DAAM2: variants seen among roughly 807,000 people sequenced by gnomAD.
The protein encoded by DAAM2 is disheveled-associated activator of morphogenesis 2.
In DAAM2, 39 loss-of-function variants were observed where a neutral mutation model predicts 120.7. The observed-to-expected ratio is 0.32, with a 90% CI of 0.25 to 0.42. The LOEUF (loss-of-function observed/expected upper bound fraction) is 0.42, where lower values mean the gene tolerates loss of function less well. Ranked by LOEUF, DAAM2 falls within the 10% of genes least tolerant of loss-of-function variation. DAAM2 has a pLI of 1.00. For missense variants in DAAM2, 1,283 were observed against 1,401.7 expected (o/e 0.92, Z 1.35); for synonymous variants, 488 against 524.9 (o/e 0.93, Z 0.96).
chr6:39,815,370 C>A (rs1762276176), intron 1 of DAAM2, among the ~76,000 whole-genome samples: 2 of 152,170 alleles, frequency 1.3e-5, no homozygotes, highest in Non-Finnish European at 2.9e-5. Flanking sequence ...GCTGAGATTT[C>A]AATTCTGTCT....
chr6:39,888,848 C>T (rs1765528171), intron 17 of DAAM2, 85 bp downstream of exon 17: 1 of 1,001,078 alleles, frequency 1.0e-6, no homozygotes, highest in South Asian at 1.6e-5. Flanking sequence ...GGCTGCGATT[C>T]TTGGGTCAAG....
intron 1 of DAAM2, among the ~76,000 whole-genome samples, chr6:39,817,403 G>A (rs1180877340): frequency 2.6e-5 from 4 of 152,124 alleles, no homozygotes; most frequent in Non-Finnish European, 4.4e-5. Context: ...GTTATCTGTC[G>A]GTAGTGGATC....
rs754072898 is a variant in DAAM2, at chr6:39,901,922, G to T, written c.3092G>T (p.Arg1031Leu). The T allele has an allele frequency of 6.2e-7, 1 of 1,611,140 alleles. No homozygotes were observed. Among genetic ancestry groups the T allele is most frequent in the South Asian group, 1.1e-5 (1 of 90,912 alleles). Residue 1031 changes from arginine to leucine, a missense_variant, in exon 25 of 25, where the codon CGC becomes CTC. By Grantham distance (102) the Arg-to-Leu change is moderately radical. Coordinates refer to ENST00000274867, the MANE Select transcript of DAAM2 (RefSeq NM_001201427.2). The surrounding 1 kb of genome is among the most constrained non-coding windows in gnomAD (Gnocchi z 4.5). ...GEFDDLVSAL[R>L]SGEVFDKDLC... ...TTCGATGACCTGGTGTCGGCCCTGC[G>T]CTCTGGGGAGGTCTTCGACAAGGAC...
At position 39,878,985 on chromosome 6, in the gene DAAM2, GGTGT is replaced by G. The variant is rs966925101; in HGVS notation, c.1546-184_1546-181del. Among the ~76,000 whole-genome samples the G allele has an allele frequency of 2.0e-5, 3 of 152,016 alleles. No homozygotes were observed. Among genetic ancestry groups the G allele is most frequent in the African/African-American group, 7.3e-5 (3 of 41,364 alleles). ...GTGACGTGTGTGTGTCTGTGGTGGT[GGTGT>G]GTGTGTGTTTGCGTGTGTTAGATGT... On this transcript the variant is annotated intron_variant, in intron 13 of 24. Coordinates refer to ENST00000274867, the MANE Select transcript of DAAM2 (RefSeq NM_001201427.2). This position sits in a 1 kb window ranked among gnomAD's most constrained non-coding sequence, Gnocchi z 5.0.
chr6:39,857,906 A>G (rs1764069821), intron 2 of DAAM2, among the ~76,000 whole-genome samples: 1 of 151,976 alleles, frequency 6.6e-6, no homozygotes, highest in African/African-American at 2.4e-5. Context: ...GGGAAGACTG[A>G]TTTTGAGGAG....
intron 1 of DAAM2, chr6:39,819,383 C>T (rs1762412382): frequency 1.3e-5 from 2 of 152,210 alleles, no homozygotes; most frequent in Admixed American, 6.5e-5. Context: ...TGCTACTTAC[C>T]TCCTCCAGTA....
rs1379100527 is a variant in DAAM2, at chr6:39,903,305, C to G, written c.*1268C>G. ...AGGAAGGCTGATATCCTCTGGGGAG[C>G]ACATCACCTGAAGGTGCCAAGGAGG... is the stretch of plus-strand genomic sequence containing the variant. On this transcript the variant is annotated 3_prime_UTR_variant, in exon 25 of 25. Coordinates refer to ENST00000274867, the MANE Select transcript of DAAM2 (RefSeq NM_001201427.2). The G allele has an allele frequency of 6.6e-6, 1 of 152,280 alleles. No homozygotes were observed. The highest frequency in any genetic ancestry group is 1.5e-5 in the Non-Finnish European group (1 of 68,086). The allele number at this position is 152,280 out of a possible 1,614,324, so 9.4% of individuals were successfully genotyped here. A position where few individuals can be genotyped will look rare whatever the true frequency, so the allele number is the denominator to read the frequency against.
chr6:39,896,407 T>A (rs1253030049), intron 19 of DAAM2, among the ~76,000 whole-genome samples: 1 of 152,150 alleles, frequency 6.6e-6, no homozygotes, highest in African/African-American at 2.4e-5. Context: ...TTTCACCACG[T>A]TGGCCAGGCT....
At chr6:39,861,372 A>G in intron 3 of DAAM2, 1 of 369,394 alleles carries the variant, frequency 2.7e-6, no homozygotes, top group Non-Finnish European at 5.3e-6. Flanking sequence ...GCTATAAGAA[A>G]TCAGTTTGGG....
In DAAM2 at chr6:39,871,487, G is replaced by C. The variant is rs755185350; in HGVS notation, c.978-19G>C. 4 of 1,550,372 alleles carry C rather than the reference G, an allele frequency of 2.6e-6. No individual in the cohort carries two copies. The highest frequency in any genetic ancestry group is 1.7e-4 in the Middle Eastern group (1 of 5,938). Reference sequence around the variant, plus strand: ...CCTGGCTGTAATGTCTACTCTCTCTGTCTCCCCATTCTGTCTAGACATTTA... The same window carrying C: ...CCTGGCTGTAATGTCTACTCTCTCTCTCTCCCCATTCTGTCTAGACATTTA... On this transcript the variant is annotated intron_variant, in intron 8 of 24. Transcript: ENST00000274867.
intron 1 of DAAM2, chr6:39,820,684 T>C (rs192932178): frequency 6.1e-4 from 93 of 152,332 alleles, no homozygotes; most frequent in African/African-American, 2.2e-3. Flanking sequence ...AGATGAGTGG[T>C]TGAGCTCCAG....
At chr6:39,879,981 G>C (rs769274295) in intron 14 of DAAM2, 6 of 205,178 alleles carry the variant, frequency 2.9e-5, no homozygotes, top group Non-Finnish European at 1.0e-5. Flanking sequence ...ATCCTCATGA[G>C]TATTATCCAC....
intron 1 of DAAM2, among the ~76,000 whole-genome samples, chr6:39,834,433 T>A (rs1248257150): frequency 6.6e-6 from 1 of 152,160 alleles, no homozygotes; most frequent in Non-Finnish European, 1.5e-5. Flanking sequence ...AAAGAGGCCT[T>A]TGATTTGCAG....
chr6:39,864,091 T>G (rs2149299902), intron 3 of DAAM2, among the ~76,000 whole-genome samples: 1 of 152,300 alleles, frequency 6.6e-6, no homozygotes, highest in South Asian at 2.1e-4. Context: ...GGAATCTGAA[T>G]TAGATTCAAC....
At chr6:39,858,984 C>A (rs1055100811) in intron 2 of DAAM2, among the ~76,000 whole-genome samples, 2 of 152,118 alleles carry the variant, frequency 1.3e-5, no homozygotes, top group African/African-American at 2.4e-5. Flanking sequence ...TAATAAGGAC[C>A]GAGCAGTCAG....
At chr6:39,863,219 A>G (rs1448669468) in intron 3 of DAAM2, among the ~76,000 whole-genome samples, 1 of 152,008 alleles carries the variant, frequency 6.6e-6, no homozygotes, top group Non-Finnish European at 1.5e-5. Flanking sequence ...GCATGGGTAA[A>G]TGACGAGCCA....
intron 1 of DAAM2, among the ~76,000 whole-genome samples, chr6:39,827,993 G>T (rs918586541): frequency 2.0e-5 from 3 of 152,000 alleles, no homozygotes; most frequent in African/African-American, 7.3e-5. Context: ...TCTCTCTAAC[G>T]CCTCCTCCTC....
intron 5 of DAAM2, among the ~76,000 whole-genome samples, chr6:39,866,538 A>G (rs2504789): frequency 0.62 from 94,117 of 152,114 alleles, 29,386 homozygotes; most frequent in Middle Eastern, 0.7. Context: ...GTGTGTGGGC[A>G]TGCCATGGAC....
At chr6:39,882,973 T>C (rs946171596) in intron 14 of DAAM2, among the ~76,000 whole-genome samples, 3 of 152,018 alleles carry the variant, frequency 2.0e-5, no homozygotes, top group South Asian at 4.2e-4. Context: ...TCCAAGTCTT[T>C]CTGAGGGGGG....
Sources: gnomAD v4.1 joint callset for allele counts (sites outside exome capture counted in the v4.1 genomes callset) on GRCh38, gnomAD v4.1.1 for gene constraint, Gnocchi (gnomAD v3.1) non-coding constraint, MANE v1.5 for transcripts, NCBI Gene and HGNC (gene_info 2026-07-23, HGNC 2026-07-21) for gene names.